Variants in SND1 observed in about 807,000 individuals in gnomAD.
The protein encoded by SND1 is staphylococcal nuclease and tudor domain containing 1, also known as staphylococcal nuclease domain-containing protein 1.
Under a neutral mutation model 121.7 loss-of-function variants are expected in SND1, and 38 were observed. That is an observed-to-expected ratio of 0.31 (90% CI 0.24 to 0.41). The LOEUF (loss-of-function observed/expected upper bound fraction) is 0.41. Ranked by LOEUF, SND1 falls within the 10% of genes least tolerant of loss-of-function variation. SND1 has a pLI of 1.00. For synonymous variants in SND1, 401 were observed against 447.4 expected, an observed-to-expected ratio of 0.90 and a Z score of 1.31; for missense variants, 868 against 1,184.6, an observed-to-expected ratio of 0.73 and a Z score of 3.92.
intron 15 of SND1, among the ~76,000 whole-genome samples, chr7:127,989,966 A>C (rs183386173): frequency 1.1e-3 from 164 of 152,324 alleles, no homozygotes; most frequent in African/African-American, 3.6e-3. Context: ...GTTAGTGAGC[A>C]CTTTGTACAG....
chr7:128,006,067 G>GACCCTGGGGGAATGTGAGGT lies in SND1; in HGVS notation c.1779+15012_1779+15031dup, dbSNP rs1425349363. Among the ~76,000 whole-genome samples the GACCCTGGGGGAATGTGAGGT allele has an allele frequency of 7.2e-5, 11 of 152,294 alleles. No individual in the cohort carries two copies. In the South Asian group the frequency reaches 2.3e-3, roughly 32 times the overall value. On this transcript the variant is annotated intron_variant, in intron 16 of 23. Coordinates refer to ENST00000354725, the MANE Select transcript of SND1 (RefSeq NM_014390.4). ...GAGCCTTCAAGTAGTAACTTCAGCTGACCCTGGGGGAATGTGAGGTGCCCA... is the reference window on the plus strand; with the variant it reads ...GAGCCTTCAAGTAGTAACTTCAGCTGACCCTGGGGGAATGTGAGGTACCCTGGGGGAATGTGAGGTGCCCA...
intron 12 of SND1, among the ~76,000 whole-genome samples, chr7:127,871,204 A>G (rs1799579698): frequency 6.6e-6 from 1 of 152,148 alleles, no homozygotes; most frequent in Non-Finnish European, 1.5e-5. Flanking sequence ...TGAAGGATCT[A>G]CCTGAGGCTG....
At chr7:127,701,454 G>A (rs1366642957) in intron 5 of SND1, 131 bp downstream of exon 5, 1 of 880,270 alleles carries the variant, frequency 1.1e-6, no homozygotes, top group African/African-American at 1.7e-5. Flanking sequence ...AAATCCTTAA[G>A]GTTAAAACAG....
chr7:127,901,638 A>G (rs1211108993), intron 13 of SND1, among the ~76,000 whole-genome samples: 1 of 152,070 alleles, frequency 6.6e-6, no homozygotes, highest in Non-Finnish European at 1.5e-5. Context: ...GGCATATTTG[A>G]ATTTAGTGGT....
intron 15 of SND1, among the ~76,000 whole-genome samples, chr7:127,976,893 T>G (rs1200652993): frequency 6.6e-6 from 1 of 152,096 alleles, no homozygotes; most frequent in Non-Finnish European, 1.5e-5. Context: ...CAGGAAACCT[T>G]TGCTGGGACA....
Position 127,929,215 on chromosome 7 carries a change from C to G in SND1, c.1555C>G (p.Pro519Ala). 1 of 1,614,094 alleles carries G rather than the reference C, an allele frequency of 6.2e-7. No homozygotes were observed. The highest frequency in any genetic ancestry group is 8.5e-7 in the Non-Finnish European group (1 of 1,179,954). Residue 519 changes from proline to alanine, a missense_variant, in exon 15 of 24, where the codon CCT (proline) becomes GCT (alanine). Physicochemically the swap from Pro to Ala is conservative, Grantham distance 27. Transcript: ENST00000354725. ...TACCCAAAAAGCAAAGCAGTTCCTG[C>G]CTTTTCTTCAGCGGGCAGGTCGTTC... ...GDTQKAKQFL[P>A]FLQRAGRSEA...
chr7:127,784,257 A>G (rs1301885468), intron 10 of SND1, among the ~76,000 whole-genome samples: 2 of 151,986 alleles, frequency 1.3e-5, no homozygotes, highest in African/African-American at 4.8e-5. Context: ...CCCTTCCTAA[A>G]AGTTTTCTTC....
intron 14 of SND1, among the ~76,000 whole-genome samples, chr7:127,919,849 A>G (rs1287003710): frequency 6.6e-6 from 1 of 152,192 alleles, no homozygotes; most frequent in Non-Finnish European, 1.5e-5. Context: ...TTAATGGTGT[A>G]TTTGATATAA....
intron 10 of SND1, among the ~76,000 whole-genome samples, chr7:127,733,122 A>G (rs78141856): frequency 1.1e-4 from 16 of 151,588 alleles, no homozygotes; most frequent in African/African-American, 3.6e-4. Context: ...CTTGGTCTTC[A>G]TTATTACTGT....
intron 10 of SND1, among the ~76,000 whole-genome samples, chr7:127,771,535 A>G (rs1291636310): frequency 6.6e-6 from 1 of 152,172 alleles, no homozygotes; most frequent in Non-Finnish European, 1.5e-5. Context: ...TCGATTTTCC[A>G]TCTGTGGTAG....
intron 16 of SND1, among the ~76,000 whole-genome samples, chr7:128,061,331 T>C (rs1435231098): frequency 6.6e-6 from 1 of 152,210 alleles, no homozygotes; most frequent in Non-Finnish European, 1.5e-5. Flanking sequence ...TCTGATCTCA[T>C]TGCAGTGGCT....
chr7:127,742,671 CTG>C (rs993270028), intron 10 of SND1, among the ~76,000 whole-genome samples: 6 of 152,082 alleles, frequency 3.9e-5, no homozygotes, highest in African/African-American at 1.4e-4. Context: ...AATGTTTTAA[CTG>C]TGTAGTCATT....
chr7:127,905,342 A>G (rs901561751), intron 14 of SND1, among the ~76,000 whole-genome samples: 8 of 152,188 alleles, frequency 5.3e-5, no homozygotes, highest in African/African-American at 1.9e-4. Context: ...AATGGCACCA[A>G]TATTTTAGAG....
At chr7:127,722,328 A>G (rs539578008) in intron 10 of SND1, among the ~76,000 whole-genome samples, 100 of 150,794 alleles carry the variant, frequency 6.6e-4, no homozygotes, top group African/African-American at 2.4e-3. Context: ...TTTTTTAAGA[A>G]ACAGGGTCTT....
chr7:127,733,835 C>T (rs374195239), intron 10 of SND1, among the ~76,000 whole-genome samples: 1 of 152,096 alleles, frequency 6.6e-6, no homozygotes, highest in East Asian at 1.9e-4. Flanking sequence ...CCCTCTAAGC[C>T]CTAGCTGAGA....
chr7:127,762,486 T>A (rs1161860559), intron 10 of SND1, among the ~76,000 whole-genome samples: 3 of 152,202 alleles, frequency 2.0e-5, no homozygotes, highest in Admixed American at 2.0e-4. Flanking sequence ...CCCACTGTAA[T>A]GGCCTCATTT....
intron 15 of SND1, among the ~76,000 whole-genome samples, chr7:127,940,322 T>A (rs907057164): frequency 1.3e-5 from 2 of 152,206 alleles, no homozygotes; most frequent in African/African-American, 4.8e-5. Flanking sequence ...CAACACTATC[T>A]TGTCAACCTG....
intron 11 of SND1, among the ~76,000 whole-genome samples, chr7:127,827,995 T>C (rs1798673642): frequency 6.6e-6 from 1 of 152,134 alleles, no homozygotes; most frequent in South Asian, 2.1e-4. Flanking sequence ...ATTTTTCTAA[T>C]GTAGCAAGTT....
chr7:127,792,508 G>A (rs1008838258), intron 10 of SND1, among the ~76,000 whole-genome samples: 1 of 152,144 alleles, frequency 6.6e-6, no homozygotes, highest in East Asian at 1.9e-4. Context: ...CTAACAAGGT[G>A]AAGAAAAGAA....
Sources: allele counts gnomAD v4.1 joint callset (sites outside exome capture counted in the v4.1 genomes callset), GRCh38; gene constraint gnomAD v4.1.1; transcripts MANE v1.5; gene names NCBI Gene and HGNC (gene_info 2026-07-23, HGNC 2026-07-21).